The following SBK1 variants were observed in gnomAD, a reference collection of about 807,000 sequenced individuals.
SBK1 encodes the protein SH3 domain binding kinase 1.
Under a neutral mutation model 24.4 loss-of-function variants are expected in SBK1, and 11 were observed. The ratio of observed to expected loss-of-function variants is 0.45; its 90% confidence interval spans 0.28 to 0.75. The LOEUF (loss-of-function observed/expected upper bound fraction) is 0.75, where lower values mean the gene tolerates loss of function less well. Ranked by LOEUF, SBK1 falls within the 30% of genes least tolerant of loss-of-function variation. The pLI is 0.12. For synonymous variants in SBK1, 308 were observed against 284.4 expected (o/e 1.08, Z -0.83); for missense variants, 467 against 620.5 (o/e 0.75, Z 2.63).
At chr16:28,316,523 G>A (rs143500694) in intron 1 of SBK1, among the ~76,000 whole-genome samples, 2,930 of 152,094 alleles carry the variant, frequency 0.019, 58 homozygotes, top group African/African-American at 0.044. Flanking sequence ...CTAGTGCTTT[G>A]GGAGGCTGAG....
At chr16:28,288,156 G>A (rs2044577910), upstream of SBK1, among the ~76,000 whole-genome samples, 1 of 152,184 alleles carries the variant, frequency 6.6e-6, no homozygotes, top group Non-Finnish European at 1.5e-5. Flanking sequence ...TTCAACTGCA[G>A]TGCAGTGAGA....
intron 1 of SBK1, among the ~76,000 whole-genome samples, chr16:28,265,810 C>A (rs948216218): frequency 6.6e-6 from 1 of 151,222 alleles, no homozygotes; most frequent in Non-Finnish European, 1.5e-5. Flanking sequence ...CCTATCTCTA[C>A]TAAAAATACA....
chr16:28,287,601 C>A (rs1294129720), upstream of SBK1, among the ~76,000 whole-genome samples: 3 of 152,188 alleles, frequency 2.0e-5, no homozygotes, highest in African/African-American at 7.2e-5. Context: ...GCGTCAGGGA[C>A]AAAGGACTGC....
At chr16:28,293,856 G>C (rs1449030229) in intron 1 of SBK1, among the ~76,000 whole-genome samples, 1 of 152,100 alleles carries the variant, frequency 6.6e-6, no homozygotes. Context: ...TCTGCTGCCC[G>C]ACCCAGGCCA....
At position 28,292,671 on chromosome 16, in the gene SBK1, GC is replaced by G; in HGVS notation, c.-631del. 1.0e-6 allele frequency: 1 copy of G among 984,014 alleles called. No homozygotes were observed. Among genetic ancestry groups the G allele is most frequent in the Non-Finnish European group, 1.2e-6 (1 of 829,332 alleles). 61.0% of individuals were successfully genotyped at this position (984,014 alleles called of 1,614,324 possible). A position where few individuals can be genotyped will look rare whatever the true frequency, so the allele number is the denominator to read the frequency against. ...GGCTGCTCGTAGCGGCGGCGACCGA[GC>G]CCCCCAGCGGCTGAGGGGCTTCCAG... is the stretch of plus-strand genomic sequence containing the variant. On this transcript the variant is annotated 5_prime_UTR_variant, in exon 1 of 4. The change abolishes the stop of an existing upstream ORF in the 5' untranslated region. Coordinates refer to ENST00000341901, the MANE Select transcript of SBK1 (RefSeq NM_001024401.3).
upstream of SBK1, among the ~76,000 whole-genome samples, chr16:28,288,577 T>G (rs1319368015): frequency 6.6e-6 from 1 of 152,144 alleles, no homozygotes; most frequent in Non-Finnish European, 1.5e-5. Context: ...TTATCCACAC[T>G]CTCCACCGTC....
intron 1 of SBK1, among the ~76,000 whole-genome samples, chr16:28,279,833 G>A (rs1316234967): frequency 1.3e-5 from 2 of 151,906 alleles, no homozygotes; most frequent in African/African-American, 2.4e-5. Flanking sequence ...ATGGGGAGGC[G>A]GCCGGCTTCC....
intron 1 of SBK1, among the ~76,000 whole-genome samples, chr16:28,264,926 G>A (rs1166997424): frequency 6.6e-6 from 1 of 152,084 alleles, no homozygotes; most frequent in Non-Finnish European, 1.5e-5. Flanking sequence ...GTCGCGAGGA[G>A]AGGGGGCGTG....
intron 1 of SBK1, among the ~76,000 whole-genome samples, chr16:28,282,348 C>A (rs528358587): frequency 6.6e-6 from 1 of 151,982 alleles, no homozygotes; most frequent in African/African-American, 2.4e-5. Context: ...GGCATTCGCA[C>A]GGAGGGGAAG....
At chr16:28,294,053 C>T (rs755477777) in intron 1 of SBK1, among the ~76,000 whole-genome samples, 6 of 152,076 alleles carry the variant, frequency 3.9e-5, no homozygotes, top group African/African-American at 7.2e-5. Flanking sequence ...TTTCCCTTCC[C>T]CTCCTAACCT....
chr16:28,280,716 G>A (rs2044528538), intron 1 of SBK1, among the ~76,000 whole-genome samples: 1 of 152,042 alleles, frequency 6.6e-6, no homozygotes, highest in African/African-American at 2.4e-5. Flanking sequence ...ACAGGCTGGA[G>A]TGCAGTGGCA....
rs977306032 is a variant in SBK1, at chr16:28,307,557, T to G, written c.-7-9828T>G. On this transcript the variant is annotated intron_variant, in intron 1 of 3. Coordinates refer to ENST00000341901, the MANE Select transcript of SBK1 (RefSeq NM_001024401.3). ...GAGTTAGAGACCAGCCTGGCCAGCATGGTGAAACCTCATCTCTACTAAAAA... is the reference window on the plus strand; with the variant it reads ...GAGTTAGAGACCAGCCTGGCCAGCAGGGTGAAACCTCATCTCTACTAAAAA... Among the ~76,000 whole-genome samples, 11 of 152,078 alleles carry G rather than the reference T, an allele frequency of 7.2e-5. No homozygotes were observed. The South Asian group carries it at 2.3e-3, about 32-fold the overall frequency.
At chr16:28,315,272 G>C (rs2044786730) in intron 1 of SBK1, among the ~76,000 whole-genome samples, 1 of 152,184 alleles carries the variant, frequency 6.6e-6, no homozygotes, top group Non-Finnish European at 1.5e-5. Context: ...GGAAACTTTG[G>C]GGTAATGGAT....
At chr16:28,309,095 C>T (rs1355408802) in intron 1 of SBK1, among the ~76,000 whole-genome samples, 1 of 152,180 alleles carries the variant, frequency 6.6e-6, no homozygotes, top group African/African-American at 2.4e-5. Flanking sequence ...GGCAATCCTC[C>T]ACAGCAGGAG....
rs1596557000 is a variant in SBK1, at chr16:28,322,978, C to G, written c.*2057C>G. 7.6e-6 allele frequency: 1 copy of G among 131,624 alleles called. No homozygotes were observed. Among genetic ancestry groups the G allele is most frequent in the Non-Finnish European group, 1.6e-5 (1 of 62,024 alleles). 8.2% of individuals were successfully genotyped at this position (131,624 alleles called of 1,614,324 possible). ...TCTCTCTCTCTCTCTCTCTCTCTCT[C>G]TCCTCTCTTTCTCTCTCTCCCTCTC... is the stretch of plus-strand genomic sequence containing the variant. On this transcript the variant is annotated 3_prime_UTR_variant, in exon 4 of 4. Transcript: ENST00000341901.
chr16:28,270,466 C>T (rs1326106543), intron 1 of SBK1, among the ~76,000 whole-genome samples: 2 of 151,586 alleles, frequency 1.3e-5, no homozygotes, highest in Non-Finnish European at 2.9e-5. Context: ...TGCTCTGTCA[C>T]CCAGGCTACA....
chr16:28,297,280 G>A (rs1347686355), intron 1 of SBK1, among the ~76,000 whole-genome samples: 3 of 152,150 alleles, frequency 2.0e-5, no homozygotes, highest in Non-Finnish European at 4.4e-5. Flanking sequence ...GCAGTGAGCC[G>A]AGATTGTGCC....
chr16:28,286,866 T>C (rs2044568129), intron 1 of SBK1: 1 of 152,450 alleles, frequency 6.6e-6, no homozygotes, highest in Non-Finnish European at 1.5e-5. Flanking sequence ...TCCCAGCACT[T>C]TGGGAGGCCA....
At position 28,317,536 on chromosome 16, in the gene SBK1, G is replaced by A. The variant is rs752081396; in HGVS notation, c.145G>A (p.Val49Ile). The A allele has an allele frequency of 1.5e-5, 24 of 1,614,098 alleles. No homozygotes were observed. Among genetic ancestry groups the A allele is most frequent in the Admixed American group, 5.0e-5 (3 of 60,000 alleles). Residue 49 changes from valine to isoleucine, a missense_variant, in exon 2 of 4, where the codon GTC (valine) becomes ATC (isoleucine). Physicochemically the swap from Val to Ile is conservative, Grantham distance 29. Transcript: ENST00000341901. This position sits in a 1 kb window ranked among gnomAD's most constrained non-coding sequence, Gnocchi z 4.2. ...LTLRTLAASDVTKHYELVREL... is the reference protein window; with the variant it reads ...LTLRTLAASDITKHYELVREL... Reference sequence around the variant, plus strand: ...TCTCCGCACACTGGCCGCCAGCGACGTCACCAAGCACTACGAACTAGTCCG... The same window carrying A: ...TCTCCGCACACTGGCCGCCAGCGACATCACCAAGCACTACGAACTAGTCCG...
Sources: gnomAD v4.1 joint callset for allele counts (sites outside exome capture counted in the v4.1 genomes callset) on GRCh38, gnomAD v4.1.1 for gene constraint, Gnocchi (gnomAD v3.1) non-coding constraint, MANE v1.5 for transcripts, NCBI Gene and HGNC (gene_info 2026-07-23, HGNC 2026-07-21) for gene names.